The following CSMD1 variants were observed in gnomAD, a reference collection of about 807,000 sequenced individuals.
The protein encoded by CSMD1 is CUB and sushi domain-containing protein 1.
CSMD1 carries 213 observed loss-of-function variants against 417.5 expected under a neutral mutation model. The observed-to-expected ratio is 0.51, with a 90% CI of 0.46 to 0.57. The LOEUF (loss-of-function observed/expected upper bound fraction) is 0.57, where lower values mean the gene tolerates loss of function less well. Ranked by LOEUF, CSMD1 falls within the 20% of genes least tolerant of loss-of-function variation. CSMD1 has a pLI of 0.00. For synonymous variants in CSMD1, 2,862 were observed against 1,736.8 expected (o/e 1.65, Z -16.11); for missense variants, 6,923 against 4,529.7 (o/e 1.53, Z -15.17).
intron 7 of CSMD1, among the ~76,000 whole-genome samples, chr8:3,643,066 C>T (rs191107329): frequency 7.9e-5 from 12 of 151,954 alleles, no homozygotes; most frequent in East Asian, 1.9e-4. Flanking sequence ...TGAGTGTCGA[C>T]GGCACGGGAG....
rs185063550 is a variant in CSMD1, at chr8:4,808,863, A to G, written c.86-171305T>C. 1.5e-3 allele frequency among the ~76,000 whole-genome samples: 225 copies of G among 152,348 alleles called. 1 individual carries two copies. The highest frequency in any genetic ancestry group is 5.2e-3 in the African/African-American group (218 of 41,586). The stretch of plus-strand genomic sequence containing the variant: ...AAAAGTTATCTCTCCATGTCTCTCC[A>G]ACAAGTCTGGATCCAATATTCTTTT... On this transcript the variant is annotated intron_variant, in intron 1 of 69. Transcript: ENST00000635120.
At chr8:4,295,926 G>C (rs1256997095) in intron 3 of CSMD1, among the ~76,000 whole-genome samples, 6 of 150,800 alleles carry the variant, frequency 4.0e-5, no homozygotes, top group Admixed American at 3.3e-4. Flanking sequence ...TCCCATCTCA[G>C]GAACACAGCA....
chr8:4,106,674 T>A (rs1056952125), intron 3 of CSMD1, among the ~76,000 whole-genome samples: 1 of 152,194 alleles, frequency 6.6e-6, no homozygotes, highest in African/African-American at 2.4e-5. Flanking sequence ...CAGTAAAACA[T>A]TTTCTTTATT....
chr8:3,370,309 A>T (rs1409167219), intron 18 of CSMD1, among the ~76,000 whole-genome samples: 1 of 152,200 alleles, frequency 6.6e-6, no homozygotes, highest in Non-Finnish European at 1.5e-5. Context: ...AAATGGAGTC[A>T]CCAGAGCCGG....
At chr8:3,844,718 C>A (rs576888888) in intron 5 of CSMD1, among the ~76,000 whole-genome samples, 1 of 152,234 alleles carries the variant, frequency 6.6e-6, no homozygotes, top group African/African-American at 2.4e-5. Context: ...TTCTGATAAA[C>A]TGAAATACAG....
At chr8:4,141,427 C>T (rs1277059532) in intron 3 of CSMD1, among the ~76,000 whole-genome samples, 2 of 151,182 alleles carry the variant, frequency 1.3e-5, no homozygotes, top group Non-Finnish European at 2.9e-5. Flanking sequence ...CACAGTGATA[C>T]CTATCATTTA....
At chr8:4,960,069 AT>A (rs1238903249) in intron 1 of CSMD1, among the ~76,000 whole-genome samples, 1 of 152,168 alleles carries the variant, frequency 6.6e-6, no homozygotes, top group Non-Finnish European at 1.5e-5. Flanking sequence ...CCTTACCACC[AT>A]TGGGACTCTA....
intron 26 of CSMD1, among the ~76,000 whole-genome samples, chr8:3,270,380 G>A (rs1472681595): frequency 6.6e-6 from 1 of 151,858 alleles, no homozygotes; most frequent in Non-Finnish European, 1.5e-5. Flanking sequence ...CTAGACAGTT[G>A]TTGCTGCCTC....
At chr8:3,349,254 G>A (rs1487997493) in intron 21 of CSMD1, among the ~76,000 whole-genome samples, 1 of 152,136 alleles carries the variant, frequency 6.6e-6, no homozygotes, top group African/African-American at 2.4e-5. Flanking sequence ...ACTTCTGCAT[G>A]CCCACTGCCA....
chr8:4,081,291 G>C (rs1438095202), intron 3 of CSMD1, among the ~76,000 whole-genome samples: 1 of 152,150 alleles, frequency 6.6e-6, no homozygotes, highest in South Asian at 2.1e-4. Flanking sequence ...TCGTCTCCTA[G>C]CAGGTAAGCT....
At chr8:3,343,479 C>T in intron 22 of CSMD1, 29 bp from the exon 23 acceptor site, 1 of 1,593,816 alleles carries the variant, frequency 6.3e-7, no homozygotes, top group South Asian at 1.1e-5. Flanking sequence ...ATGAGTCCCT[C>T]TATGCCTTCA....
At chr8:4,957,276 C>G (rs2117313939) in intron 1 of CSMD1, among the ~76,000 whole-genome samples, 1 of 152,214 alleles carries the variant, frequency 6.6e-6, no homozygotes, top group Non-Finnish European at 1.5e-5. Context: ...GCTTGAAATT[C>G]TCACCCCACA....
intron 7 of CSMD1, among the ~76,000 whole-genome samples, chr8:3,663,871 C>A (rs1284372052): frequency 7.9e-5 from 12 of 152,170 alleles, no homozygotes; most frequent in Admixed American, 1.3e-4. Context: ...GGTTGTGTCA[C>A]AGGCGCAACC....
chr8:4,425,758 T>C (rs1413509953), intron 2 of CSMD1, among the ~76,000 whole-genome samples: 1 of 152,180 alleles, frequency 6.6e-6, no homozygotes, highest in Non-Finnish European at 1.5e-5. Flanking sequence ...TAAATCCCAA[T>C]AATCCACACA....
At chr8:3,354,161 A>G (rs181606535) in intron 21 of CSMD1, among the ~76,000 whole-genome samples, 250 of 152,364 alleles carry the variant, frequency 1.6e-3, no homozygotes, top group African/African-American at 5.3e-3. Context: ...AGGTGAAAAT[A>G]TATAACCTCT....
chr8:4,713,304 A>T (rs533440449), intron 1 of CSMD1, among the ~76,000 whole-genome samples: 1 of 152,356 alleles, frequency 6.6e-6, no homozygotes, highest in African/African-American at 2.4e-5. Context: ...GAAACCTGGG[A>T]TGCTTAAAGA....
intron 5 of CSMD1, among the ~76,000 whole-genome samples, chr8:3,968,181 C>T (rs573077160): frequency 1.7e-5 from 2 of 116,682 alleles, no homozygotes; most frequent in African/African-American, 3.6e-5. Flanking sequence ...AGCGAGACTC[C>T]GTCTCAAATA....
At chr8:4,834,743 T>A (rs1213195939) in intron 1 of CSMD1, among the ~76,000 whole-genome samples, 1 of 151,142 alleles carries the variant, frequency 6.6e-6, no homozygotes, top group Non-Finnish European at 1.5e-5. Context: ...GATCACGACA[T>A]CAGGAGATCG....
chr8:4,343,653 G>C (rs1344174698), intron 3 of CSMD1, among the ~76,000 whole-genome samples: 1 of 152,110 alleles, frequency 6.6e-6, no homozygotes, highest in African/African-American at 2.4e-5. Flanking sequence ...TCATCTCCTA[G>C]GAGACAAAGT....
Sources: gnomAD v4.1 joint callset for allele counts (sites outside exome capture counted in the v4.1 genomes callset) on GRCh38, gnomAD v4.1.1 for gene constraint, MANE v1.5 for transcripts, NCBI Gene and HGNC (gene_info 2026-07-23, HGNC 2026-07-21) for gene names.